Variants in CEP72 observed in about 807,000 individuals in gnomAD.
CEP72 encodes the protein centrosomal protein 72, also known as centrosomal protein of 72 kDa.
A neutral mutation model predicts 65.7 loss-of-function variants in CEP72; 78 were observed. That is an observed-to-expected ratio of 1.19 (90% CI 0.99 to 1.43). CEP72 has a LOEUF of 1.43. Ranked by LOEUF, CEP72 falls within the 40% of genes most tolerant of loss-of-function variation. CEP72 has a pLI of 0.00. For synonymous variants in CEP72, 358 were observed against 351.7 expected, an observed-to-expected ratio of 1.02 and a Z score of -0.20; for missense variants, 914 against 832.9, an observed-to-expected ratio of 1.10 and a Z score of -1.20.
At chr5:619,659 G>T (rs918427952) in intron 2 of CEP72, among the ~76,000 whole-genome samples, 27 of 152,206 alleles carry the variant, frequency 1.8e-4, no homozygotes, top group African/African-American at 6.0e-4. Context: ...CAAGTCAGAT[G>T]CGGACCTAGC....
chr5:615,175 C>T (rs1013841282), intron 1 of CEP72, among the ~76,000 whole-genome samples: 15 of 132,554 alleles, frequency 1.1e-4, no homozygotes, highest in Non-Finnish European at 3.1e-5. Context: ...CCTTCTTGTC[C>T]CCCAGGCTGG....
intron 5 of CEP72, 87 bp downstream of exon 5, chr5:634,034 T>A: frequency 7.9e-7 from 1 of 1,266,358 alleles, no homozygotes; most frequent in East Asian, 2.4e-5. Context: ...CCACAGTTGC[T>A]CTTTTTGTGG....
chr5:658,513 T>G (rs577381245), downstream of CEP72, among the ~76,000 whole-genome samples: 1 of 152,300 alleles, frequency 6.6e-6, no homozygotes, highest in Non-Finnish European at 1.5e-5. Context: ...ACCCTTTGCC[T>G]CCATTTTCTT....
rs1468584721 is a variant in CEP72 at position 637,667 on chromosome 5, G to C, written c.1055G>C (p.Gly352Ala). 6.2e-7 allele frequency: 1 copy of C among 1,613,850 alleles called. No individual in the cohort carries two copies. Among genetic ancestry groups the C allele is most frequent in the Non-Finnish European group, 8.5e-7 (1 of 1,180,044 alleles). ...ACGTTTTCGGACCAGGAGGGTTTGG[G>C]CTGCCCGGAGAGAACTCATGGGTCC... is the stretch of plus-strand genomic sequence containing the variant. ...FQTFSDQEGLGCPERTHGSSV... is the reference protein window; with the variant it reads ...FQTFSDQEGLACPERTHGSSV... The change falls in exon 7 of 12, where the codon GGC (glycine) becomes GCC (alanine). Residue 352 changes from glycine to alanine, a missense_variant. Coordinates refer to ENST00000264935, the MANE Select transcript of CEP72 (RefSeq NM_018140.4).
At chr5:618,220 G>T (rs1324772261) in intron 1 of CEP72, among the ~76,000 whole-genome samples, 1 of 152,132 alleles carries the variant, frequency 6.6e-6, no homozygotes, top group Non-Finnish European at 1.5e-5. Flanking sequence ...TGGGCTTGGA[G>T]GTATTGTAGA....
intron 1 of CEP72, among the ~76,000 whole-genome samples, chr5:615,629 A>G (rs2126726070): frequency 6.6e-6 from 1 of 152,234 alleles, no homozygotes; most frequent in South Asian, 2.1e-4. Flanking sequence ...CACTCTGCTA[A>G]TCTCTGTCTT....
downstream of CEP72, among the ~76,000 whole-genome samples, chr5:669,157 T>G (rs3792721): frequency 3.3e-5 from 5 of 151,954 alleles, no homozygotes; most frequent in East Asian, 1.9e-4. Context: ...GGAGGGGGCT[T>G]TGGGGAGACA....
downstream of CEP72, among the ~76,000 whole-genome samples, chr5:667,404 C>G: frequency 6.6e-6 from 1 of 152,156 alleles, no homozygotes; most frequent in East Asian, 1.9e-4. Context: ...ATACTGCACA[C>G]TATATACAAA....
chr5:666,156 CG>C, intron 4 of CEP72: 1 of 1,538,382 alleles, frequency 6.5e-7, no homozygotes, highest in East Asian at 2.3e-5. Flanking sequence ...GGGCTGGGCG[CG>C]GGCCGGCCCA....
chr5:642,356 T>C lies in CEP72; in HGVS notation c.1539+1752T>C, dbSNP rs149409477. The C allele has an allele frequency of 9.7e-3, 9,542 of 985,456 alleles. 76 individuals are homozygous for C. Among genetic ancestry groups the C allele is most frequent in the Non-Finnish European group, 0.011 (9,038 of 829,924 alleles). The allele number at this position is 985,456 out of a possible 1,614,324, so 61.0% of individuals were successfully genotyped here. On this transcript the variant is annotated intron_variant, in intron 9 of 11. Transcript: ENST00000264935. ...GGATTTAAGCACACATGGCCCCTTC[T>C]CTGGAAGCCTCTATATTTAAACACG...
rs1736644835 is a variant in CEP72 at position 624,859 on chromosome 5, G to A, written c.512+280G>A. 6.6e-6 allele frequency among the ~76,000 whole-genome samples: 1 copy of A among 152,200 alleles called. No individual in the cohort carries two copies. Among genetic ancestry groups the A allele is most frequent in the Admixed American group, 6.5e-5 (1 of 15,282 alleles). Reference sequence around the variant, plus strand: ...AAGGGCTTGTCCTGTCCCTTTCCCGGGGCTGGCAGCTCTCACGTCTGTGGC... The same window carrying A: ...AAGGGCTTGTCCTGTCCCTTTCCCGAGGCTGGCAGCTCTCACGTCTGTGGC... On this transcript the variant is annotated intron_variant, in intron 4 of 11. Coordinates refer to ENST00000264935, the MANE Select transcript of CEP72 (RefSeq NM_018140.4). The surrounding 1 kb of genome is among the most constrained non-coding windows in gnomAD (Gnocchi z 4.7).
At chr5:643,369 C>T in intron 9 of CEP72, 1 of 985,466 alleles carries the variant, frequency 1.0e-6, no homozygotes, top group Non-Finnish European at 1.2e-6. Flanking sequence ...CTGCAGCAGA[C>T]ACCTTGGGGA....
chr5:638,498 G>C (rs1163101464), intron 7 of CEP72, among the ~76,000 whole-genome samples: 1 of 151,982 alleles, frequency 6.6e-6, no homozygotes, highest in Admixed American at 6.5e-5. Context: ...GCTTGAAGGT[G>C]CGGAACTGTG....
chr5:650,798 C>T (rs1448004068), intron 11 of CEP72, among the ~76,000 whole-genome samples: 2 of 30,218 alleles, frequency 6.6e-5, no homozygotes. Context: ...GACTGTGAGG[C>T]GTGGACTGTG....
chr5:668,401 G>C (rs189999109), downstream of CEP72, among the ~76,000 whole-genome samples: 2 of 115,532 alleles, frequency 1.7e-5, no homozygotes, highest in Non-Finnish European at 3.7e-5. Context: ...GGGAAGTACC[G>C]ACAAGCACAC....
chr5:641,284 A>T, intron 9 of CEP72: 4 of 985,378 alleles, frequency 4.1e-6, no homozygotes, highest in Non-Finnish European at 4.8e-6. Flanking sequence ...TAGCACAGGG[A>T]GCTGGTGGTC....
the CEP72 span, among the ~76,000 whole-genome samples, chr5:673,429 G>A: frequency 6.6e-6 from 1 of 152,084 alleles, no homozygotes; most frequent in East Asian, 1.9e-4. Flanking sequence ...TGGGGGGCCA[G>A]GGTCACAGGG....
rs1389615006 is a variant in CEP72 at position 612,368 on chromosome 5, C to T, written c.7C>T (p.Arg3Trp). ...CGAGGGCTCCGTTTGAAACATGGCG[C>T]GGGCTGGCCCTCGGCTGGTGCTGAG... MA[R>W]AGPRLVLSEE... Residue 3 changes from arginine to tryptophan, a missense_variant, in exon 1 of 12, where the codon CGG (arginine) becomes TGG (tryptophan). Arg to Trp is a moderately radical substitution (Grantham distance 101). Transcript: ENST00000264935. 3 of 1,489,066 alleles carry T rather than the reference C, an allele frequency of 2.0e-6. No homozygotes were observed. The highest frequency in any genetic ancestry group is 2.9e-5 in the African/African-American group (2 of 68,408). 92.2% of individuals were successfully genotyped at this position (1,489,066 alleles called of 1,614,324 possible).
chr5:622,760 C>A (rs887068561), intron 3 of CEP72, among the ~76,000 whole-genome samples: 2 of 149,390 alleles, frequency 1.3e-5, no homozygotes, highest in Non-Finnish European at 2.9e-5. Context: ...ATGGACCCCC[C>A]CAAGACACAG....
Sources: allele counts gnomAD v4.1 joint callset (sites outside exome capture counted in the v4.1 genomes callset), GRCh38; gene constraint gnomAD v4.1.1; non-coding constraint Gnocchi (gnomAD v3.1); transcripts MANE v1.5; gene names NCBI Gene and HGNC (gene_info 2026-07-23, HGNC 2026-07-21).